MAPK10: variants seen among roughly 807,000 people sequenced by gnomAD.
MAPK10 encodes JNK3 alpha protein kinase.
MAPK10 carries 25 observed loss-of-function variants against 59.3 expected under a neutral mutation model. The ratio of observed to expected loss-of-function variants is 0.42; its 90% confidence interval spans 0.31 to 0.59. The LOEUF (loss-of-function observed/expected upper bound fraction) is 0.59. Ranked by LOEUF, MAPK10 falls within the 20% of genes least tolerant of loss-of-function variation. The pLI, the probability that MAPK10 is intolerant of heterozygous loss-of-function variation, is 0.15. For synonymous variants in MAPK10, 190 were observed against 200.5 expected, an observed-to-expected ratio of 0.95 and a Z score of 0.44; for missense variants, 351 against 568.9, an observed-to-expected ratio of 0.62 and a Z score of 3.90.
intron 3 of MAPK10, among the ~76,000 whole-genome samples, chr4:86,179,179 G>A (rs2149277872): frequency 6.6e-6 from 1 of 152,010 alleles, no homozygotes; most frequent in South Asian, 2.1e-4. Context: ...TCCAGCCTGG[G>A]TGACAAAGTG....
intron 11 of MAPK10, among the ~76,000 whole-genome samples, chr4:86,056,039 T>A (rs1192911838): frequency 6.7e-6 from 1 of 150,094 alleles, no homozygotes; most frequent in African/African-American, 2.5e-5. Context: ...TCAGAAATTG[T>A]CTTGAGGACA....
At chr4:86,539,087 A>G (rs924888854) in intron 1 of MAPK10, among the ~76,000 whole-genome samples, 1 of 152,172 alleles carries the variant, frequency 6.6e-6, no homozygotes, top group Non-Finnish European at 1.5e-5. Flanking sequence ...ACCGATTTGT[A>G]TGCAAACTGA....
chr4:86,291,629 T>C (rs899567770), intron 2 of MAPK10, among the ~76,000 whole-genome samples: 1 of 152,228 alleles, frequency 6.6e-6, no homozygotes, highest in Non-Finnish European at 1.5e-5. Flanking sequence ...AATGTAGATT[T>C]ACATTTATAC....
intron 4 of MAPK10, among the ~76,000 whole-genome samples, chr4:86,117,380 GTCTTA>G (rs1268149686): frequency 6.6e-6 from 1 of 152,180 alleles, no homozygotes; most frequent in East Asian, 1.9e-4. Flanking sequence ...ACTACACCCT[GTCTTA>G]ATGGTTCACA....
At chr4:86,470,762 A>G (rs1752590800) in intron 1 of MAPK10, among the ~76,000 whole-genome samples, 1 of 152,196 alleles carries the variant, frequency 6.6e-6, no homozygotes, top group South Asian at 2.1e-4. Context: ...TTGCATGTAG[A>G]AGACAAGACT....
intron 1 of MAPK10, among the ~76,000 whole-genome samples, chr4:86,484,431 T>C (rs1429864144): frequency 6.6e-6 from 1 of 152,184 alleles, no homozygotes; most frequent in East Asian, 1.9e-4. Context: ...CTCCTAGTAG[T>C]TGTGGTTGTG....
At chr4:86,430,837 G>A (rs538148289) in intron 1 of MAPK10, among the ~76,000 whole-genome samples, 1 of 152,322 alleles carries the variant, frequency 6.6e-6, no homozygotes, top group African/African-American at 2.4e-5. Flanking sequence ...CCAGATCAGA[G>A]AAGTCTTGTA....
intron 11 of MAPK10, among the ~76,000 whole-genome samples, chr4:86,060,078 G>A (rs906491379): frequency 6.6e-6 from 1 of 152,166 alleles, no homozygotes; most frequent in Non-Finnish European, 1.5e-5. Context: ...GGTCTATCTG[G>A]TTGATCACCA....
At chr4:86,268,223 G>C (rs1384112025) in intron 2 of MAPK10, 1 of 152,150 alleles carries the variant, frequency 6.6e-6, no homozygotes, top group Non-Finnish European at 1.5e-5. Flanking sequence ...CTTGGTTCCT[G>C]TCTTCCCCCA....
rs536641103 is a variant in MAPK10 at position 86,066,893 on chromosome 4, A to G, written c.985+880T>C. ...GGAAACAATATGGGAAAATGTTTCAATGCTTTATCTTTCATTCTTTCATTT... is the reference window on the plus strand; with the variant it reads ...GGAAACAATATGGGAAAATGTTTCAGTGCTTTATCTTTCATTCTTTCATTT... On this transcript the variant is annotated intron_variant, in intron 10 of 13. Coordinates refer to ENST00000641462, the MANE Select transcript of MAPK10 (RefSeq NM_138982.4). 3.9e-5 allele frequency among the ~76,000 whole-genome samples: 6 copies of G among 152,222 alleles called. No individual in the cohort carries two copies. In the South Asian group the frequency reaches 8.3e-4, roughly 21 times the overall value.
At chr4:86,284,354 C>T (rs1017951101) in intron 2 of MAPK10, among the ~76,000 whole-genome samples, 8 of 152,188 alleles carry the variant, frequency 5.3e-5, no homozygotes, top group African/African-American at 1.7e-4. Context: ...CAGAGAGCTG[C>T]GCATGCTCGG....
chr4:86,128,289 T>C (rs1278141180), intron 4 of MAPK10, among the ~76,000 whole-genome samples: 1 of 152,166 alleles, frequency 6.6e-6, no homozygotes, highest in Admixed American at 6.6e-5. Context: ...ACTATTGATA[T>C]GGTTTGGCTG....
intron 2 of MAPK10, among the ~76,000 whole-genome samples, chr4:86,263,205 A>G (rs1002076097): frequency 7.9e-5 from 12 of 152,186 alleles, no homozygotes; most frequent in African/African-American, 2.9e-4. Context: ...TTACTTCTCT[A>G]TATCCTGTCC....
intron 1 of MAPK10, among the ~76,000 whole-genome samples, chr4:86,523,894 C>T (rs1757292844): frequency 6.6e-6 from 1 of 152,200 alleles, no homozygotes; most frequent in African/African-American, 2.4e-5. Flanking sequence ...CCCCTCCAAA[C>T]CTCATGTTGG....
At chr4:86,264,350 A>G (rs1021185818) in intron 2 of MAPK10, among the ~76,000 whole-genome samples, 3 of 152,214 alleles carry the variant, frequency 2.0e-5, no homozygotes, top group African/African-American at 7.2e-5. Context: ...ACAGAGTTAA[A>G]AAAACCTTCC....
At chr4:86,067,422 A>G (rs1417241432) in intron 10 of MAPK10, among the ~76,000 whole-genome samples, 1 of 152,130 alleles carries the variant, frequency 6.6e-6, no homozygotes, top group South Asian at 2.1e-4. Flanking sequence ...CTGAGGTTAC[A>G]GACTTGAGCC....
chr4:86,342,843 T>C (rs967686518), intron 2 of MAPK10, among the ~76,000 whole-genome samples: 4 of 152,196 alleles, frequency 2.6e-5, no homozygotes, highest in African/African-American at 9.6e-5. Flanking sequence ...CTCTCCTTCC[T>C]TTTAACTGCT....
At chr4:86,258,823 T>C (rs2093867232) in intron 2 of MAPK10, among the ~76,000 whole-genome samples, 1 of 152,222 alleles carries the variant, frequency 6.6e-6, no homozygotes, top group Non-Finnish European at 1.5e-5. Context: ...GAGACTTACC[T>C]AACCAGACTG....
Position 86,427,238 on chromosome 4 carries a change from C to T in MAPK10, c.-122+25792G>A, listed in dbSNP as rs943766094. Among the ~76,000 whole-genome samples the T allele has an allele frequency of 3.4e-5, 4 of 116,338 alleles. No individual in the cohort carries two copies. The East Asian group carries it at 7.2e-4, about 21-fold the overall frequency. The allele number at this position is 116,338 out of a possible 152,430, so 76.3% of individuals were successfully genotyped here. On this transcript the variant is annotated intron_variant, in intron 1 of 13. Transcript: ENST00000361569. ...CGCCACTGCACTCCAGCCTGGGCGACAGAGCAAGATTCTGTCTCAAAAAAA... is the reference window on the plus strand; with the variant it reads ...CGCCACTGCACTCCAGCCTGGGCGATAGAGCAAGATTCTGTCTCAAAAAAA...
Sources: allele counts gnomAD v4.1 joint callset (sites outside exome capture counted in the v4.1 genomes callset), GRCh38; gene constraint gnomAD v4.1.1; transcripts MANE v1.5; gene names NCBI Gene and HGNC (gene_info 2026-07-23, HGNC 2026-07-21).